Variants in SORCS1 observed in about 807,000 individuals in gnomAD.
SORCS1 encodes VPS10 domain-containing receptor SorCS1.
SORCS1 carries 60 observed loss-of-function variants against 146.1 expected under a neutral mutation model. The observed-to-expected ratio is 0.41, with a 90% CI of 0.33 to 0.51. The LOEUF (loss-of-function observed/expected upper bound fraction) is 0.51. SORCS1 is among the 20% of genes least tolerant of loss of function. The pLI is 0.21. For synonymous variants in SORCS1, 637 were observed against 584.0 expected (o/e 1.09, Z -1.31); for missense variants, 1,352 against 1,487.6 (o/e 0.91, Z 1.50).
chr10:107,081,171 C>T lies in SORCS1; in HGVS notation c.558+82798G>A, dbSNP rs72812924. ...GAACTATCTCTTTAATCTTTCCCTA[C>T]CTATACTAGAAGAATCCAATCTCAT... is the stretch of plus-strand genomic sequence containing the variant. On this transcript the variant is annotated intron_variant, in intron 1 of 25. Transcript: ENST00000263054. Among the ~76,000 whole-genome samples the T allele has an allele frequency of 8.9e-3, 1,349 of 152,272 alleles. 9 individuals are homozygous for T. Among genetic ancestry groups the T allele is most frequent in the Non-Finnish European group, 0.014 (981 of 68,024 alleles).
At chr10:106,880,376 C>T (rs1182525704) in intron 2 of SORCS1, among the ~76,000 whole-genome samples, 1 of 152,138 alleles carries the variant, frequency 6.6e-6, no homozygotes, top group African/African-American at 2.4e-5. Flanking sequence ...TACCTATGAA[C>T]ATATTTAGGA....
chr10:107,012,816 AT>A (rs1017572464), intron 1 of SORCS1, among the ~76,000 whole-genome samples: 1 of 152,200 alleles, frequency 6.6e-6, no homozygotes, highest in African/African-American at 2.4e-5. Context: ...TTATACTTTT[AT>A]TTATAACATT....
At chr10:107,100,767 G>A (rs1964870420) in intron 1 of SORCS1, among the ~76,000 whole-genome samples, 1 of 152,184 alleles carries the variant, frequency 6.6e-6, no homozygotes, top group Non-Finnish European at 1.5e-5. Context: ...CAGTTCAGGA[G>A]AAAGAACAAG....
chr10:106,975,897 C>G lies in SORCS1; in HGVS notation c.559-19317G>C, dbSNP rs529893140. ...GCATGGTGGCTCACACCTGTAATCCCAGCACTTTGGGAGGCCGAGGTGGGT... is the reference window on the plus strand; with the variant it reads ...GCATGGTGGCTCACACCTGTAATCCGAGCACTTTGGGAGGCCGAGGTGGGT... On this transcript the variant is annotated intron_variant, in intron 1 of 25. Coordinates refer to ENST00000263054, the MANE Select transcript of SORCS1 (RefSeq NM_052918.5). Among the ~76,000 whole-genome samples, 22 of 152,196 alleles carry G rather than the reference C, an allele frequency of 1.4e-4. No homozygotes were observed. In the South Asian group the frequency reaches 4.6e-3, roughly 32 times the overall value.
chr10:106,858,142 A>C lies in SORCS1; in HGVS notation c.627-28469T>G, dbSNP rs78348634. Among the ~76,000 whole-genome samples, 247 of 152,340 alleles carry C rather than the reference A, an allele frequency of 1.6e-3. 7 individuals carry two copies. The East Asian group carries it at 0.046, about 28-fold the overall frequency. On this transcript the variant is annotated intron_variant, in intron 2 of 25. Transcript: ENST00000263054. ...GACATAAAAATATTTCCATTCTGTC[A>C]TGTATCACAGAATTTTTAATATCAC... is the stretch of plus-strand genomic sequence containing the variant.
rs139819632 is a variant in SORCS1 at position 106,885,333 on chromosome 10, T to C, written c.627-55660A>G. 1.8e-3 allele frequency among the ~76,000 whole-genome samples: 274 copies of C among 152,278 alleles called. 2 individuals are homozygous for C. Among genetic ancestry groups the C allele is most frequent in the African/African-American group, 5.6e-3 (234 of 41,558 alleles). On this transcript the variant is annotated intron_variant, in intron 2 of 25. Transcript: ENST00000263054. ...GGGGAAAGAAAAAATTAGTTTTCAA[T>C]TTCCTCTAGTCAGCCTCAGATCAAA... is the stretch of plus-strand genomic sequence containing the variant.
intron 6 of SORCS1, among the ~76,000 whole-genome samples, chr10:106,712,595 G>T (rs558798324): frequency 6.6e-6 from 1 of 152,064 alleles, no homozygotes; most frequent in South Asian, 2.1e-4. Context: ...CAACTATCTT[G>T]TACTTTAGCT....
At chr10:106,830,215 A>G (rs1443698936) in intron 2 of SORCS1, among the ~76,000 whole-genome samples, 3 of 152,212 alleles carry the variant, frequency 2.0e-5, no homozygotes, top group African/African-American at 7.2e-5. Context: ...AGCCTTTTCC[A>G]GTGTTAAGCA....
At chr10:107,051,565 A>G (rs1195271734) in intron 1 of SORCS1, among the ~76,000 whole-genome samples, 1 of 152,156 alleles carries the variant, frequency 6.6e-6, no homozygotes, top group Non-Finnish European at 1.5e-5. Flanking sequence ...AGTATTTACT[A>G]TATTAACTCA....
intron 12 of SORCS1, among the ~76,000 whole-genome samples, chr10:106,678,743 C>G (rs1277903933): frequency 6.6e-6 from 1 of 152,166 alleles, no homozygotes; most frequent in East Asian, 1.9e-4. Context: ...TCTACTTTCT[C>G]TAACATATGC....
In SORCS1 at chr10:107,096,951, C is replaced by T. The variant is rs892269903; in HGVS notation, c.558+67018G>A. Among the ~76,000 whole-genome samples the T allele has an allele frequency of 4.6e-5, 7 of 152,318 alleles. No individual in the cohort carries two copies. In the East Asian group the frequency reaches 1.3e-3, roughly 29 times the overall value. ...CATTTCCCCCATTCACTTCTCCATG[C>T]TATCCCAACACTAGTTTTCTCCAAT... On this transcript the variant is annotated intron_variant, in intron 1 of 25. Coordinates refer to ENST00000263054, the MANE Select transcript of SORCS1 (RefSeq NM_052918.5).
intron 18 of SORCS1, among the ~76,000 whole-genome samples, chr10:106,649,938 A>G (rs1161608027): frequency 6.6e-6 from 1 of 151,882 alleles, no homozygotes; most frequent in African/African-American, 2.4e-5. Context: ...TACAATTTCT[A>G]TTTGGTATTT....
At chr10:107,031,022 A>T (rs1958627240) in intron 1 of SORCS1, among the ~76,000 whole-genome samples, 1 of 152,218 alleles carries the variant, frequency 6.6e-6, no homozygotes, top group South Asian at 2.1e-4. Context: ...TACTGTTCAC[A>T]GTTCTCAAGC....
At position 106,811,685 on chromosome 10, in the gene SORCS1, C is replaced by G. The variant is rs548905334; in HGVS notation, c.726+17889G>C. On this transcript the variant is annotated intron_variant, in intron 3 of 25. Coordinates refer to ENST00000263054, the MANE Select transcript of SORCS1 (RefSeq NM_052918.5). ...ATTGGGAAAAGCAAAGATATCAAAA[C>G]ATTCAAGCAGCAGTACTCTGCTATA... 2.3e-3 allele frequency among the ~76,000 whole-genome samples: 357 copies of G among 152,280 alleles called. 4 individuals carry two copies. Among genetic ancestry groups the G allele is most frequent in the African/African-American group, 8.2e-3 (341 of 41,572 alleles).
intron 2 of SORCS1, among the ~76,000 whole-genome samples, chr10:106,856,678 G>A (rs545233467): frequency 6.6e-6 from 1 of 152,278 alleles, no homozygotes; most frequent in Non-Finnish European, 1.5e-5. Flanking sequence ...GCTCCTGGAG[G>A]TAAAACTCAC....
intron 24 of SORCS1, among the ~76,000 whole-genome samples, chr10:106,594,534 T>C (rs1027026112): frequency 6.6e-6 from 1 of 152,070 alleles, no homozygotes; most frequent in African/African-American, 2.4e-5. Context: ...CAGACACAGA[T>C]GGAGGAGAAG....
At chr10:106,978,538 G>A (rs754697672) in intron 1 of SORCS1, among the ~76,000 whole-genome samples, 2 of 152,152 alleles carry the variant, frequency 1.3e-5, no homozygotes, top group African/African-American at 2.4e-5. Flanking sequence ...GGTAGCTCAC[G>A]CCTGTAATCC....
intron 1 of SORCS1, among the ~76,000 whole-genome samples, chr10:106,982,706 C>T (rs576012641): frequency 5.9e-5 from 9 of 152,278 alleles, no homozygotes; most frequent in African/African-American, 1.7e-4. Context: ...GTAAAAGATA[C>T]AGCCAGGATG....
chr10:106,859,496 C>T (rs1232168811), intron 2 of SORCS1, among the ~76,000 whole-genome samples: 3 of 152,156 alleles, frequency 2.0e-5, no homozygotes, highest in African/African-American at 7.2e-5. Flanking sequence ...CGGGCTCAAG[C>T]GATTCTCCTG....
Sources: allele counts gnomAD v4.1 joint callset (sites outside exome capture counted in the v4.1 genomes callset), GRCh38; gene constraint gnomAD v4.1.1; transcripts MANE v1.5; gene names NCBI Gene and HGNC (gene_info 2026-07-23, HGNC 2026-07-21).